USP13: variants seen among roughly 807,000 people sequenced by gnomAD.
USP13 encodes the protein ubiquitin specific peptidase 13.
A neutral mutation model predicts 107.8 loss-of-function variants in USP13; 68 were observed. The ratio of observed to expected loss-of-function variants is 0.63; its 90% CI spans 0.52 to 0.77. USP13 has a LOEUF of 0.77. Among genes scored for constraint, USP13 ranks in the 30% least tolerant of loss-of-function variants. The probability of loss-of-function intolerance (pLI) is 0.00; values close to 1 mark genes in which losing one functional copy is unlikely to be tolerated. For missense variants in USP13, 945 were observed against 1,093.3 expected (o/e 0.86, Z 1.91); for synonymous variants, 377 against 389.5 (o/e 0.97, Z 0.38).
chr3:179,728,568 C>G (rs1436620896), intron 8 of USP13, among the ~76,000 whole-genome samples: 4 of 151,694 alleles, frequency 2.6e-5, no homozygotes, highest in African/African-American at 9.7e-5. Flanking sequence ...CTCCTCACTT[C>G]CCAGACGGGG....
chr3:179,686,598 G>A (rs796811172), intron 2 of USP13, among the ~76,000 whole-genome samples: 19 of 152,186 alleles, frequency 1.2e-4, no homozygotes, highest in African/African-American at 4.6e-4. Flanking sequence ...CAAAACCAAC[G>A]CCACACAACC....
chr3:179,659,750 C>T (rs573544360), intron 1 of USP13, among the ~76,000 whole-genome samples: 1 of 152,074 alleles, frequency 6.6e-6, no homozygotes, highest in South Asian at 2.1e-4. Flanking sequence ...TTTTAAAAAA[C>T]CATTTTGGCT....
intron 1 of USP13, among the ~76,000 whole-genome samples, chr3:179,667,295 A>G (rs765654063): frequency 6.6e-6 from 1 of 152,194 alleles, no homozygotes; most frequent in Non-Finnish European, 1.5e-5. Flanking sequence ...GCCATTATTC[A>G]TACTCAAATT....
intron 19 of USP13, among the ~76,000 whole-genome samples, chr3:179,778,524 G>C (rs1446262786): frequency 6.6e-6 from 1 of 152,226 alleles, no homozygotes; most frequent in Non-Finnish European, 1.5e-5. Flanking sequence ...AGCACTTTGG[G>C]AGGCCGAAGT....
In USP13 at chr3:179,721,215, T is replaced by C. The variant is rs138305668; in HGVS notation, c.901-187T>C. On this transcript the variant is annotated intron_variant, in intron 7 of 20. Coordinates refer to ENST00000263966, the MANE Select transcript of USP13 (RefSeq NM_003940.3). The surrounding 1 kb of genome is among the most constrained non-coding windows in gnomAD (Gnocchi z 4.3). Reference sequence around the variant, plus strand: ...TTAAGCGTGCAGTTCTCTGGCATTATGTACATTCACTTTGTTGTGCCACCA... The same window carrying C: ...TTAAGCGTGCAGTTCTCTGGCATTACGTACATTCACTTTGTTGTGCCACCA... 4.5e-4 allele frequency among the ~76,000 whole-genome samples: 69 copies of C among 152,362 alleles called. No homozygotes were observed. The highest frequency in any genetic ancestry group is 1.6e-3 in the African/African-American group (67 of 41,586).
chr3:179,682,127 A>G, intron 2 of USP13, 124 bp downstream of exon 2: 1 of 1,290,678 alleles, frequency 7.7e-7, no homozygotes, highest in East Asian at 2.5e-5. Flanking sequence ...ACGATGAGAA[A>G]CAAAAACAGC....
At chr3:179,719,863 G>A (rs1713244824) in intron 6 of USP13, 77 bp from the exon 7 acceptor site, 21 of 1,248,828 alleles carry the variant, frequency 1.7e-5, no homozygotes, top group Non-Finnish European at 2.4e-5. Flanking sequence ...GTGTACAGTA[G>A]GAGTTCAAAA....
At chr3:179,755,408 C>T (rs932006504) in intron 15 of USP13, among the ~76,000 whole-genome samples, 3 of 152,128 alleles carry the variant, frequency 2.0e-5, no homozygotes, top group African/African-American at 7.2e-5. Context: ...AATTCTCCTG[C>T]CTCAGCCTCA....
In USP13 at chr3:179,776,028, G is replaced by A. The variant is rs991519214; in HGVS notation, c.2414-5711G>A. The stretch of plus-strand genomic sequence containing the variant: ...GAGAGCGAGCAAGGGCTGCCAGCAC[G>A]TTGTCACCTCTCACCACCAGGTCCC... On this transcript the variant is annotated intron_variant, in intron 19 of 20. Transcript: ENST00000263966. 8.5e-5 allele frequency among the ~76,000 whole-genome samples: 13 copies of A among 152,278 alleles called. No individual in the cohort carries two copies. In the South Asian group the frequency reaches 1.2e-3, roughly 15 times the overall value.
intron 19 of USP13, among the ~76,000 whole-genome samples, chr3:179,776,588 CAGA>C (rs140913273): frequency 0.012 from 1,760 of 152,232 alleles, 35 homozygotes; most frequent in African/African-American, 0.04. Flanking sequence ...ATGTTAGTTT[CAGA>C]CACAGTTTAA....
chr3:179,686,672 T>C (rs1711884197), intron 2 of USP13, among the ~76,000 whole-genome samples: 1 of 152,232 alleles, frequency 6.6e-6, no homozygotes, highest in Non-Finnish European at 1.5e-5. Flanking sequence ...CTTTAAAAAC[T>C]TTTCTGATCT....
chr3:179,700,414 T>A (rs983943145), intron 3 of USP13, among the ~76,000 whole-genome samples: 1 of 152,218 alleles, frequency 6.6e-6, no homozygotes. Flanking sequence ...TTCTCGTTTA[T>A]CTCCTGTATA....
intron 6 of USP13, among the ~76,000 whole-genome samples, chr3:179,718,963 G>A (rs1156450766): frequency 5.3e-5 from 8 of 152,040 alleles, no homozygotes; most frequent in Non-Finnish European, 8.8e-5. Flanking sequence ...CACCATGTTA[G>A]CCAGGATCAT....
chr3:179,721,327 G>C lies in USP13; in HGVS notation c.901-75G>C. Reference sequence around the variant, plus strand: ...ATGGCAGAAACATCCTATGCTGTTAGAAATAATTAACGGGACATGACCTTT... The same window carrying C: ...ATGGCAGAAACATCCTATGCTGTTACAAATAATTAACGGGACATGACCTTT... On this transcript the variant is annotated intron_variant, in intron 7 of 20. Coordinates refer to ENST00000263966, the MANE Select transcript of USP13 (RefSeq NM_003940.3). This position sits in a 1 kb window ranked among gnomAD's most constrained non-coding sequence, Gnocchi z 4.3. 3 of 1,500,364 alleles carry C rather than the reference G, an allele frequency of 2.0e-6. No homozygotes were observed. The highest frequency in any genetic ancestry group is 2.0e-5 in the Admixed American group (1 of 50,146). 92.9% of individuals were successfully genotyped at this position (1,500,364 alleles called of 1,614,324 possible). A position where few individuals can be genotyped will look rare whatever the true frequency, so the allele number is the denominator to read the frequency against.
At chr3:179,699,699 C>CAAA (rs10646420) in intron 3 of USP13, among the ~76,000 whole-genome samples, 68,518 of 117,838 alleles carry the variant, frequency 0.58, 22,699 homozygotes, top group Admixed American at 0.67. Context: ...CACCCTGCCT[C>CAAA]AAAAAAAAAA....
intron 19 of USP13, among the ~76,000 whole-genome samples, chr3:179,780,320 A>G (rs1010938481): frequency 9.9e-5 from 15 of 152,224 alleles, no homozygotes; most frequent in African/African-American, 3.4e-4. Flanking sequence ...ATAATCTCAT[A>G]TATAGAAAGT....
At chr3:179,741,707 T>C (rs979377988) in intron 11 of USP13, among the ~76,000 whole-genome samples, 10 of 152,210 alleles carry the variant, frequency 6.6e-5, no homozygotes, top group African/African-American at 2.4e-4. Context: ...ACTTTCCAGG[T>C]CTTATGTTAA....
At chr3:179,752,194 G>A (rs2108524895) in intron 13 of USP13, 91 bp from the exon 14 acceptor site, 2 of 1,124,556 alleles carry the variant, frequency 1.8e-6, no homozygotes, top group Non-Finnish European at 1.3e-6. Context: ...GAATGGCCAG[G>A]TGTGCCTCAG....
intron 1 of USP13, among the ~76,000 whole-genome samples, chr3:179,663,612 A>G (rs1478113359): frequency 6.6e-6 from 1 of 152,146 alleles, no homozygotes; most frequent in Non-Finnish European, 1.5e-5. Flanking sequence ...CTGTCACACT[A>G]CACTCTTGGA....
Sources: gnomAD v4.1 joint callset for allele counts (sites outside exome capture counted in the v4.1 genomes callset) on GRCh38, gnomAD v4.1.1 for gene constraint, Gnocchi (gnomAD v3.1) non-coding constraint, MANE v1.5 for transcripts, NCBI Gene and HGNC (gene_info 2026-07-23, HGNC 2026-07-21) for gene names.